The following RCSD1 variants were observed in gnomAD, a reference collection of about 807,000 sequenced individuals.
The protein encoded by RCSD1 is capZ-interacting protein.
Under a neutral mutation model 42.5 loss-of-function variants are expected in RCSD1, and 26 were observed. The observed-to-expected ratio is 0.61, with a 90% CI of 0.45 to 0.85. The LOEUF (loss-of-function observed/expected upper bound fraction) is 0.85, where lower values mean the gene tolerates loss of function less well. Among genes scored for constraint, RCSD1 ranks in the 40% least tolerant of loss-of-function variants. The pLI, the probability that RCSD1 is intolerant of heterozygous loss-of-function variation, is 0.00. For synonymous variants in RCSD1, 220 were observed against 212.2 expected, an observed-to-expected ratio of 1.04 and a Z score of -0.32; for missense variants, 571 against 528.3, an observed-to-expected ratio of 1.08 and a Z score of -0.79.
chr1:167,688,200 C>A (rs566486553), intron 3 of RCSD1, among the ~76,000 whole-genome samples: 34 of 152,210 alleles, frequency 2.2e-4, no homozygotes, highest in Middle Eastern at 6.8e-3. Context: ...CAGCTGGGTC[C>A]CCAGTACTAT....
chr1:167,631,594 C>G (rs781283075), intron 1 of RCSD1, among the ~76,000 whole-genome samples: 12 of 152,222 alleles, frequency 7.9e-5, no homozygotes, highest in Non-Finnish European at 1.6e-4. Flanking sequence ...AAAGGATCCT[C>G]CCACCTCAGC....
chr1:167,661,862 T>A (rs762528783), intron 1 of RCSD1, among the ~76,000 whole-genome samples: 12 of 152,220 alleles, frequency 7.9e-5, no homozygotes, highest in Non-Finnish European at 1.6e-4. Context: ...AGATCTTGCA[T>A]TCATTGCTTC....
In RCSD1 at chr1:167,697,080, C is replaced by T. The variant is rs1659513561; in HGVS notation, c.475-19C>T. On this transcript the variant is annotated intron_variant, in intron 5 of 6. Coordinates refer to ENST00000367854, the MANE Select transcript of RCSD1 (RefSeq NM_052862.4). The stretch of plus-strand genomic sequence containing the variant: ...TTTTTATGAGTTTTTGGATAACTTT[C>T]CTTAACACTTTCTTCTAGGTGCGGA... The T allele has an allele frequency of 5.0e-6, 8 of 1,596,888 alleles. No individual in the cohort carries two copies. Among genetic ancestry groups the T allele is most frequent in the African/African-American group, 2.7e-5 (2 of 74,048 alleles).
chr1:167,691,884 G>A lies in RCSD1; in HGVS notation c.270+1764G>A, dbSNP rs79986034. Among the ~76,000 whole-genome samples the A allele has an allele frequency of 9.0e-3, 1,370 of 152,198 alleles. 22 individuals are homozygous for A. The highest frequency in any genetic ancestry group is 0.032 in the African/African-American group (1,325 of 41,518). On this transcript the variant is annotated intron_variant, in intron 4 of 6. Coordinates refer to ENST00000367854, the MANE Select transcript of RCSD1 (RefSeq NM_052862.4). ...TGCAGGGCTCCTAAATAAGTAACAG[G>A]GGTCTCTCAGAAGGGATCCCAGAAC... is the stretch of plus-strand genomic sequence containing the variant.
At chr1:167,704,468 A>G (rs1558097270) in intron 6 of RCSD1, among the ~76,000 whole-genome samples, 196 bp from the exon 7 acceptor site, 1 of 151,880 alleles carries the variant, frequency 6.6e-6, no homozygotes, top group Non-Finnish European at 1.5e-5. Context: ...ACTACCTCAT[A>G]TTGCTTTTGT....
At chr1:167,671,592 A>G (rs1658807772) in intron 1 of RCSD1, among the ~76,000 whole-genome samples, 1 of 152,218 alleles carries the variant, frequency 6.6e-6, no homozygotes, top group Admixed American at 6.5e-5. Context: ...TGCAGGAGAC[A>G]GCATAGTTGT....
At chr1:167,666,159 T>C (rs1266163554) in intron 1 of RCSD1, among the ~76,000 whole-genome samples, 1 of 152,198 alleles carries the variant, frequency 6.6e-6, no homozygotes, top group Non-Finnish European at 1.5e-5. Flanking sequence ...ATGCTTTTCC[T>C]GCTGGAGGCA....
chr1:167,654,494 A>T (rs188321645), intron 1 of RCSD1, among the ~76,000 whole-genome samples: 2 of 152,360 alleles, frequency 1.3e-5, no homozygotes, highest in Admixed American at 6.5e-5. Flanking sequence ...AACAATACTT[A>T]AACTGGAAAT....
chr1:167,678,330 T>C (rs549865126), intron 1 of RCSD1, among the ~76,000 whole-genome samples: 1 of 152,300 alleles, frequency 6.6e-6, no homozygotes, highest in African/African-American at 2.4e-5. Context: ...AGACGTCTAA[T>C]AGACATGTCA....
intron 1 of RCSD1, among the ~76,000 whole-genome samples, chr1:167,653,380 T>C (rs1393685697): frequency 6.6e-6 from 1 of 152,182 alleles, no homozygotes; most frequent in Non-Finnish European, 1.5e-5. Flanking sequence ...AAAGCAGTGG[T>C]TCTCAACTCT....
intron 1 of RCSD1, among the ~76,000 whole-genome samples, chr1:167,657,891 G>GCACA (rs36021344): frequency 5.4e-4 from 80 of 148,362 alleles, no homozygotes; most frequent in Middle Eastern, 6.9e-3. Context: ...GTTTACTCAT[G>GCACA]CACACACACA....
At chr1:167,660,832 A>C (rs367973996) in intron 1 of RCSD1, among the ~76,000 whole-genome samples, 1 of 152,298 alleles carries the variant, frequency 6.6e-6, no homozygotes, top group South Asian at 2.1e-4. Context: ...TGGTCTGTCA[A>C]CTTCAATACA....
At chr1:167,695,466 A>G (rs186939069) in intron 5 of RCSD1, among the ~76,000 whole-genome samples, 1 of 152,330 alleles carries the variant, frequency 6.6e-6, no homozygotes, top group Admixed American at 6.5e-5. Context: ...TAGATGGGGA[A>G]CTAGGATTGA....
intron 1 of RCSD1, among the ~76,000 whole-genome samples, chr1:167,668,526 A>G (rs1229365): frequency 0.77 from 117,307 of 151,982 alleles, 45,713 homozygotes; most frequent in African/African-American, 0.88. Context: ...TGCTCTCCTA[A>G]AACCCTTTTC....
chr1:167,679,681 G>A (rs1479765772), intron 1 of RCSD1, among the ~76,000 whole-genome samples: 5 of 152,136 alleles, frequency 3.3e-5, no homozygotes, highest in Admixed American at 1.3e-4. Context: ...GCCCCACACT[G>A]GGCTCTCTCA....
chr1:167,697,545 G>T lies in RCSD1; in HGVS notation c.921G>T (p.Glu307Asp). Residue 307 changes from glutamate to aspartate, a missense_variant, in exon 6 of 7, where the codon GAG (glutamate) becomes GAT (aspartate). Transcript: ENST00000367854. ...CCAGGGAGGAAAAGCCAGCTGGAGA[G>T]GAAGCAGAGATGGAAAAGGCTACAG... The part of the protein sequence containing the change: ...GSPREEKPAG[E>D]EAEMEKATEV... 6.2e-7 allele frequency: 1 copy of T among 1,606,756 alleles called. No individual in the cohort carries two copies.
intron 3 of RCSD1, 22 bp downstream of exon 3, chr1:167,685,532 C>T (rs1357275423): frequency 1.9e-6 from 3 of 1,596,222 alleles, no homozygotes; most frequent in Non-Finnish European, 2.6e-6. Flanking sequence ...TGTTGGGGCT[C>T]AGAGGATGCT....
intron 1 of RCSD1, among the ~76,000 whole-genome samples, chr1:167,674,056 A>G (rs1429228370): frequency 2.0e-5 from 3 of 152,238 alleles, no homozygotes; most frequent in Admixed American, 6.5e-5. Context: ...GTAGAAGCTC[A>G]TTGAGCTCTA....
intron 6 of RCSD1, among the ~76,000 whole-genome samples, chr1:167,700,888 C>T (rs781439113): frequency 1.6e-4 from 24 of 152,248 alleles, no homozygotes; most frequent in African/African-American, 5.8e-4. Context: ...GAGACCTCCC[C>T]ATCTCACTGA....
Sources: gnomAD v4.1 joint callset for allele counts (sites outside exome capture counted in the v4.1 genomes callset) on GRCh38, gnomAD v4.1.1 for gene constraint, MANE v1.5 for transcripts, NCBI Gene and HGNC (gene_info 2026-07-23, HGNC 2026-07-21) for gene names.